Variants in NUDT14 observed in about 807,000 individuals in gnomAD.
NUDT14 encodes the protein uridine diphosphate glucose pyrophosphatase NUDT14.
In NUDT14, 22 loss-of-function variants were observed where a neutral mutation model predicts 17.5. The observed-to-expected ratio is 1.26, with a 90% confidence interval of 0.90 to 1.80. NUDT14 has a LOEUF of 1.80. Ranked by LOEUF, NUDT14 falls within the 40% of genes most tolerant of loss-of-function variation. NUDT14 has a pLI of 0.00. For missense variants in NUDT14, 296 were observed against 295.6 expected, an observed-to-expected ratio of 1.00 and a Z score of -0.01; for synonymous variants, 129 against 125.8, an observed-to-expected ratio of 1.03 and a Z score of -0.17.
chr14:105,177,104 C>T, intron 2 of NUDT14, 77 bp from the exon 3 acceptor site: 3 of 1,387,286 alleles, frequency 2.2e-6, no homozygotes, highest in Non-Finnish European at 3.0e-6. Context: ...TCTTTCTGTT[C>T]CCAGCGTGGC....
rs1889223199 is a variant in NUDT14, at chr14:105,176,769, C to G, written c.193G>C (p.Val65Leu). The change falls in exon 4 of 5, where the codon GTG (valine) becomes CTG (leucine). Residue 65 changes from valine to leucine, a missense_variant and splice_region_variant. Physicochemically the swap from Val to Leu is conservative, Grantham distance 32. Coordinates refer to ENST00000392568, the MANE Select transcript of NUDT14 (RefSeq NM_177533.5). ...LVLVKQFRPA[V>L]YAGEVERRFP... is the part of the protein sequence containing the mutation. The stretch of plus-strand genomic sequence containing the variant: ...CGGCGCTCCACCTCACCCGCATACA[C>G]AGCTGCGTGGGAAGAAGCCAGACTG... The G allele has an allele frequency of 1.2e-6, 2 of 1,611,902 alleles. No individual in the cohort carries two copies. The highest frequency in any genetic ancestry group is 2.2e-5 in the South Asian group (2 of 91,058).
At chr14:105,176,501 AC>A in intron 4 of NUDT14, 32 bp downstream of exon 4, 1 of 1,537,598 alleles carries the variant, frequency 6.5e-7, no homozygotes, top group Non-Finnish European at 9.0e-7. Flanking sequence ...CTCCTGAGTC[AC>A]ACCACAGGCC....
At chr14:105,179,748 A>C (rs1261023758) in intron 1 of NUDT14, among the ~76,000 whole-genome samples, 1 of 152,154 alleles carries the variant, frequency 6.6e-6, no homozygotes, top group Non-Finnish European at 1.5e-5. Flanking sequence ...CAGCACCACC[A>C]GCTTAGCTTC....
chr14:105,179,730 C>A (rs1468888401), intron 1 of NUDT14, among the ~76,000 whole-genome samples: 1 of 152,222 alleles, frequency 6.6e-6, no homozygotes, highest in Non-Finnish European at 1.5e-5. Context: ...ATCCCAGCTG[C>A]CCCCTGCCAG....
chr14:105,177,478 G>A (rs1411712139), intron 2 of NUDT14, among the ~76,000 whole-genome samples: 2 of 152,284 alleles, frequency 1.3e-5, no homozygotes, highest in East Asian at 1.9e-4. Context: ...TCATGGTCCC[G>A]GTGGCCTGAG....
intron 4 of NUDT14, chr14:105,175,973 C>T: frequency 1.6e-6 from 2 of 1,272,708 alleles, no homozygotes; most frequent in Admixed American, 2.3e-5. Flanking sequence ...GGGTCAGGAG[C>T]CCATCGTAGC....
chr14:105,178,873 G>A (rs924664982), intron 1 of NUDT14, among the ~76,000 whole-genome samples: 2 of 152,196 alleles, frequency 1.3e-5, no homozygotes, highest in African/African-American at 4.8e-5. Flanking sequence ...AAGGCGTCCT[G>A]GGAGGAGAGT....
In NUDT14 at chr14:105,181,117, G is replaced by A. The variant is rs1409554384; in HGVS notation, c.81+12C>T. On this transcript the variant is annotated intron_variant, in intron 1 of 4. Coordinates refer to ENST00000392568, the MANE Select transcript of NUDT14 (RefSeq NM_177533.5). The surrounding 1 kb of genome is among the most constrained non-coding windows in gnomAD (Gnocchi z 5.0). ...CGGCGGGGGCGCGGGGGACGCGGGGGCGCGGGCTCACCTGGCGGTAATGCA... is the reference window on the plus strand; with the variant it reads ...CGGCGGGGGCGCGGGGGACGCGGGGACGCGGGCTCACCTGGCGGTAATGCA... 4.9e-6 allele frequency: 5 copies of A among 1,023,070 alleles called. No homozygotes were observed. The highest frequency in any genetic ancestry group is 4.7e-6 in the Non-Finnish European group (4 of 843,254). The allele number at this position is 1,023,070 out of a possible 1,614,324, so 63.4% of individuals were successfully genotyped here. A position where few individuals can be genotyped will look rare whatever the true frequency, so the allele number is the denominator to read the frequency against.
intron 4 of NUDT14, chr14:105,175,703 C>A (rs879589596): frequency 1.0e-6 from 1 of 998,954 alleles, no homozygotes. Context: ...CCTGGCCCAG[C>A]GTGGAAATGC....
rs1889245244 is a variant in NUDT14, at chr14:105,177,693, T to C, written c.124A>G (p.Ser42Gly). Residue 42 changes from serine (S) to glycine (G), a missense_variant and splice_region_variant, in exon 2 of 5, where the codon AGC becomes GGC. Coordinates refer to ENST00000392568, the MANE Select transcript of NUDT14 (RefSeq NM_177533.5). ...GGCCAGGCTGGGCCAGGCTCTCACC[T>C]GTCATGCGTCTTCATGAAGTCCCAG... ...KSWDFMKTHD[S>G]VTVLLFNSSR... 6.2e-7 allele frequency: 1 copy of C among 1,612,210 alleles called. No homozygotes were observed. Among genetic ancestry groups the C allele is most frequent in the African/African-American group, 1.3e-5 (1 of 74,916 alleles).
In NUDT14 at chr14:105,177,204, G is replaced by A. The variant is rs1483043932; in HGVS notation, c.126-177C>T. ...CCCAGGCGGGACCAGAGCTTTCCAG[G>A]GTCACAGTCTGGCCAGGACCCAGAC... On this transcript the variant is annotated intron_variant, in intron 2 of 4. Coordinates refer to ENST00000392568, the MANE Select transcript of NUDT14 (RefSeq NM_177533.5). 6.0e-6 allele frequency: 4 copies of A among 665,482 alleles called. No individual in the cohort carries two copies. In the Admixed American group the frequency reaches 6.6e-5, roughly 11 times the overall value. 41.2% of individuals were successfully genotyped at this position (665,482 alleles called of 1,614,324 possible).
At chr14:105,177,316 G>C in intron 2 of NUDT14, 2 of 578,606 alleles carry the variant, frequency 3.5e-6, no homozygotes, top group Middle Eastern at 3.6e-4. Context: ...TCGCAGCTGA[G>C]GCCGGGTGAC....
rs587679332 is a variant in NUDT14, at chr14:105,173,601, A to G, written c.429-340T>C. The G allele has an allele frequency of 8.3e-5, 17 of 203,918 alleles. No individual in the cohort carries two copies. The East Asian group carries it at 1.7e-3, about 21-fold the overall frequency. The allele number at this position is 203,918 out of a possible 1,614,324, so 12.6% of individuals were successfully genotyped here. ...ACGAAGCCCTCCAGAGGGTGTTTCA[A>G]CGCCAGAAAGGGAGAAATTCAGGCC... On this transcript the variant is annotated intron_variant, in intron 4 of 4. Coordinates refer to ENST00000392568, the MANE Select transcript of NUDT14 (RefSeq NM_177533.5). This position sits in a 1 kb window ranked among gnomAD's most constrained non-coding sequence, Gnocchi z 4.7.
chr14:105,178,600 G>A (rs1300989532), intron 1 of NUDT14, among the ~76,000 whole-genome samples: 3 of 152,184 alleles, frequency 2.0e-5, no homozygotes, highest in African/African-American at 2.4e-5. Flanking sequence ...CTGAGCCTGG[G>A]GTCCCGCGGG....
intron 1 of NUDT14, 28 bp from the exon 2 acceptor site, chr14:105,177,763 T>C (rs1211772003): frequency 3.7e-6 from 6 of 1,609,634 alleles, no homozygotes; most frequent in Non-Finnish European, 5.1e-6. Context: ...GCGGTTAGAA[T>C]GTCCCAGGAT....
intron 4 of NUDT14, 193 bp downstream of exon 4, chr14:105,176,341 T>C (rs921652750): frequency 1.6e-6 from 1 of 618,566 alleles, no homozygotes; most frequent in Non-Finnish European, 2.9e-6. Context: ...GCCGAGACGC[T>C]GCAGAGAGAG....
At chr14:105,175,915 G>A (rs1249768020) in intron 4 of NUDT14, 2 of 1,213,066 alleles carry the variant, frequency 1.6e-6, no homozygotes, top group African/African-American at 3.2e-5. Flanking sequence ...CTCAGCTGGT[G>A]GGGGTGGGGG....
intron 2 of NUDT14, chr14:105,177,458 C>T (rs1889240471): frequency 1.8e-6 from 1 of 570,924 alleles, no homozygotes; most frequent in Non-Finnish European, 3.1e-6. Flanking sequence ...CTGAGAGGGC[C>T]TGCCCACCAT....
chr14:105,180,908 C>T (rs996256589), intron 1 of NUDT14, among the ~76,000 whole-genome samples: 4 of 152,122 alleles, frequency 2.6e-5, no homozygotes, highest in East Asian at 1.9e-4. Flanking sequence ...ATGAGTGGTG[C>T]CCCCTCAGAT....
Sources: allele counts gnomAD v4.1 joint callset (sites outside exome capture counted in the v4.1 genomes callset), GRCh38; gene constraint gnomAD v4.1.1; non-coding constraint Gnocchi (gnomAD v3.1); transcripts MANE v1.5; gene names NCBI Gene and HGNC (gene_info 2026-07-23, HGNC 2026-07-21).